GUCY1A2: variants seen among roughly 807,000 people sequenced by gnomAD.
GUCY1A2 encodes the protein guanylate cyclase soluble subunit alpha-2.
GUCY1A2 carries 27 observed loss-of-function variants against 63.5 expected under a neutral mutation model. That is an observed-to-expected ratio of 0.43 (90% CI 0.31 to 0.59). The LOEUF (loss-of-function observed/expected upper bound fraction) is 0.59. GUCY1A2 is among the 20% of genes least tolerant of loss of function. The pLI is 0.11. For synonymous variants in GUCY1A2, 364 were observed against 343.5 expected (o/e 1.06, Z -0.66); for missense variants, 768 against 913.3 (o/e 0.84, Z 2.05).
At chr11:107,003,065 T>A (rs1435856585) in intron 1 of GUCY1A2, among the ~76,000 whole-genome samples, 1 of 152,182 alleles carries the variant, frequency 6.6e-6, no homozygotes, top group Non-Finnish European at 1.5e-5. Flanking sequence ...TACTTATCTT[T>A]TACCTTCAAA....
intron 5 of GUCY1A2, among the ~76,000 whole-genome samples, chr11:106,798,339 G>A (rs1370199135): frequency 2.0e-5 from 3 of 152,030 alleles, no homozygotes; most frequent in South Asian, 2.1e-4. Context: ...AGAGGTACAA[G>A]GAGGAGCTGG....
intron 4 of GUCY1A2, among the ~76,000 whole-genome samples, chr11:106,816,406 T>A (rs1421720733): frequency 2.0e-5 from 3 of 151,706 alleles, no homozygotes; most frequent in Non-Finnish European, 4.4e-5. Context: ...TTAACAGAAA[T>A]TAAATTGCAT....
chr11:106,752,834 C>T (rs185058674), intron 6 of GUCY1A2, among the ~76,000 whole-genome samples: 127 of 152,202 alleles, frequency 8.3e-4, no homozygotes, highest in Middle Eastern at 6.8e-3. Flanking sequence ...GTGCATATGT[C>T]TTTATAGTAG....
rs534970371 is a variant in GUCY1A2 at position 106,976,727 on chromosome 11, GTATCTCTTTTGTAGAAAAAGT to G, written c.487+1871_487+1891del. Among the ~76,000 whole-genome samples the G allele has an allele frequency of 5.3e-4, 81 of 152,222 alleles. 1 individual carries two copies. The highest frequency in any genetic ancestry group is 3.4e-3 in the Middle Eastern group (1 of 294). ...TAGAGGAAGAAAATAATCAGACCTA[GTATCTCTTTTGTAGAAAAAGT>G]TACTATTCATGGAAATCTAAACCCT... On this transcript the variant is annotated intron_variant, in intron 3 of 7. Transcript: ENST00000526355.
chr11:106,901,774 A>G (rs536746594), intron 4 of GUCY1A2, among the ~76,000 whole-genome samples: 1 of 152,038 alleles, frequency 6.6e-6, no homozygotes, highest in Admixed American at 6.6e-5. Flanking sequence ...GCTGTGAATG[A>G]TGGTTTCCAG....
chr11:106,934,387 T>A (rs984993194), intron 4 of GUCY1A2, among the ~76,000 whole-genome samples: 1 of 152,188 alleles, frequency 6.6e-6, no homozygotes, highest in Non-Finnish European at 1.5e-5. Context: ...TGCTCACACT[T>A]TCTCAAATTA....
At chr11:106,986,656 A>C (rs575490881) in intron 1 of GUCY1A2, among the ~76,000 whole-genome samples, 3 of 152,302 alleles carry the variant, frequency 2.0e-5, no homozygotes, top group African/African-American at 4.8e-5. Context: ...TTTAAACTTA[A>C]ATGATATTTT....
intron 4 of GUCY1A2, among the ~76,000 whole-genome samples, chr11:106,891,743 TTTCTA>T (rs1382330198): frequency 2.0e-5 from 3 of 152,164 alleles, no homozygotes; most frequent in Admixed American, 2.0e-4. Context: ...ATTTCCGAAC[TTTCTA>T]TTCTGTTCCA....
intron 1 of GUCY1A2, among the ~76,000 whole-genome samples, chr11:107,002,201 C>T (rs112394752): frequency 0.019 from 2,896 of 152,156 alleles, 47 homozygotes; most frequent in Non-Finnish European, 0.031. Context: ...CCTTATTTCA[C>T]CTTCCACACT....
chr11:106,962,971 A>G (rs1033506839), intron 3 of GUCY1A2, among the ~76,000 whole-genome samples: 1 of 152,090 alleles, frequency 6.6e-6, no homozygotes, highest in Non-Finnish European at 1.5e-5. Flanking sequence ...ATTATCTTCT[A>G]AACAGTTGAC....
At chr11:106,969,571 A>C (rs1358795104) in intron 3 of GUCY1A2, among the ~76,000 whole-genome samples, 6 of 105,326 alleles carry the variant, frequency 5.7e-5, no homozygotes, top group South Asian at 2.5e-4. Flanking sequence ...AAATAAAGAC[A>C]AAAAAAAACA....
chr11:106,840,974 A>G (rs1288675700), intron 4 of GUCY1A2, among the ~76,000 whole-genome samples: 1 of 152,006 alleles, frequency 6.6e-6, no homozygotes, highest in Non-Finnish European at 1.5e-5. Context: ...TTTTATATTC[A>G]TAATTTTTCC....
At chr11:106,800,919 C>T (rs1279967772) in intron 5 of GUCY1A2, among the ~76,000 whole-genome samples, 2 of 151,742 alleles carry the variant, frequency 1.3e-5, no homozygotes, top group African/African-American at 4.8e-5. Flanking sequence ...ATCAGGGGAC[C>T]TACTGAAAGT....
chr11:107,012,866 CA>C (rs1861767009), intron 1 of GUCY1A2, among the ~76,000 whole-genome samples: 1 of 151,904 alleles, frequency 6.6e-6, no homozygotes. Flanking sequence ...TAAATTTGTC[CA>C]ATAGCCTACC....
chr11:106,963,856 A>C (rs1321103964), intron 3 of GUCY1A2, among the ~76,000 whole-genome samples: 1 of 152,224 alleles, frequency 6.6e-6, no homozygotes, highest in African/African-American at 2.4e-5. Flanking sequence ...CTTTGGACTT[A>C]TAATATATTT....
intron 1 of GUCY1A2, among the ~76,000 whole-genome samples, chr11:107,012,959 A>G (rs1395821047): frequency 6.6e-6 from 1 of 151,842 alleles, no homozygotes; most frequent in African/African-American, 2.4e-5. Context: ...CAAGGTTTAT[A>G]CATGTCAGAG....
At chr11:106,968,583 T>C (rs1198641808) in intron 3 of GUCY1A2, among the ~76,000 whole-genome samples, 1 of 152,196 alleles carries the variant, frequency 6.6e-6, no homozygotes, top group East Asian at 1.9e-4. Flanking sequence ...CTTCTATATA[T>C]GCTCTACCAG....
rs74809809 is a variant in GUCY1A2 at position 106,896,514 on chromosome 11, C to A, written c.1206+42946G>T. Among the ~76,000 whole-genome samples the A allele has an allele frequency of 4.2e-3, 632 of 152,210 alleles. 1 individual carries two copies. Among genetic ancestry groups the A allele is most frequent in the African/African-American group, 0.014 (602 of 41,540 alleles). ...ATGGTTTGAATAATGTGGTCCTCTC[C>A]AAAATACATGTTGAAACATAATCTC... On this transcript the variant is annotated intron_variant, in intron 4 of 7. Coordinates refer to ENST00000526355, the MANE Select transcript of GUCY1A2 (RefSeq NM_000855.3).
intron 4 of GUCY1A2, among the ~76,000 whole-genome samples, chr11:106,882,925 T>C (rs1003487209): frequency 2.8e-4 from 43 of 152,044 alleles, no homozygotes; most frequent in African/African-American, 9.4e-4. Flanking sequence ...CAATTCCTCA[T>C]CCCATCATTC....
Sources: gnomAD v4.1 joint callset for allele counts (sites outside exome capture counted in the v4.1 genomes callset) on GRCh38, gnomAD v4.1.1 for gene constraint, MANE v1.5 for transcripts, NCBI Gene and HGNC (gene_info 2026-07-23, HGNC 2026-07-21) for gene names.